PCDHGA4: variants seen among roughly 807,000 people sequenced by gnomAD.
PCDHGA4 encodes the protein protocadherin gamma subfamily A, 4.
PCDHGA4 carries 38 observed loss-of-function variants against 54.6 expected under a neutral mutation model. That is an observed-to-expected ratio of 0.70 (90% CI 0.54 to 0.91). PCDHGA4 has a LOEUF of 0.91. Ranked by LOEUF, PCDHGA4 falls within the 40% of genes least tolerant of loss-of-function variation. The pLI, the probability that PCDHGA4 is intolerant of heterozygous loss-of-function variation, is 0.00. For missense variants in PCDHGA4, 1,298 were observed against 1,220.9 expected (o/e 1.06, Z -0.94); for synonymous variants, 511 against 512.9 (o/e 1.00, Z 0.05).
chr5:141,418,677 T>A (rs1717013168), intron 1 of PCDHGA4: 1 of 1,613,930 alleles, frequency 6.2e-7, no homozygotes, highest in African/African-American at 1.3e-5. Flanking sequence ...GACGAGGGCA[T>A]CAACTCAGAG....
rs1224223477 is a variant in PCDHGA4, at chr5:141,356,416, A to T, written c.1309A>T (p.Thr437Ser). 31 of 1,603,068 alleles carry T rather than the reference A, an allele frequency of 1.9e-5. No homozygotes were observed. Among genetic ancestry groups the T allele is most frequent in the Non-Finnish European group, 2.6e-5 (31 of 1,173,990 alleles). ...CTATGGAAATTATTATCGGTTGTTG[A>T]CACACAGAACACTGGACAGGGAAGA... ...KTYGNYYRLL[T>S]HRTLDREEVS... The change falls in exon 1 of 4, where the codon ACA becomes TCA. Residue 437 changes from threonine to serine, a missense_variant. By Grantham distance (58) the Thr-to-Ser change is moderately conservative. Transcript: ENST00000571252.
chr5:141,412,790 A>G lies in PCDHGA4; in HGVS notation c.2514+55169A>G, dbSNP rs557299291. ...ATTTACAATATTTTCACTCCACTTTATCACACCTCCCCTAAGAAACCTACA... is the reference window on the plus strand; with the variant it reads ...ATTTACAATATTTTCACTCCACTTTGTCACACCTCCCCTAAGAAACCTACA... On this transcript the variant is annotated intron_variant, in intron 1 of 3. Coordinates refer to ENST00000571252, the MANE Select transcript of PCDHGA4 (RefSeq NM_018917.4). Among the ~76,000 whole-genome samples the G allele has an allele frequency of 2.0e-5, 3 of 152,370 alleles. No individual in the cohort carries two copies. The South Asian group carries it at 6.2e-4, about 32-fold the overall frequency.
intron 1 of PCDHGA4, chr5:141,427,811 C>T (rs1335555425): frequency 6.6e-7 from 1 of 1,523,180 alleles, no homozygotes; most frequent in Admixed American, 1.7e-5. Flanking sequence ...GCGCACAGAG[C>T]GGGGTGGTGG....
At chr5:141,403,770 T>A in intron 1 of PCDHGA4, 1 of 1,613,894 alleles carries the variant, frequency 6.2e-7, no homozygotes, top group Non-Finnish European at 8.5e-7. Flanking sequence ...GATGAGGGAA[T>A]CAACGGAAAA....
chr5:141,383,826 T>C, intron 1 of PCDHGA4: 1 of 1,613,966 alleles, frequency 6.2e-7, no homozygotes, highest in Non-Finnish European at 8.5e-7. Flanking sequence ...GATTAGATTA[T>C]GAAGAAACTG....
At position 141,381,826 on chromosome 5, in the gene PCDHGA4, C is replaced by CTTTTTTT. The variant is rs770630741; in HGVS notation, c.2514+24221_2514+24227dup. Among the ~76,000 whole-genome samples the CTTTTTTT allele has an allele frequency of 1.4e-3, 102 of 74,248 alleles. 2 individuals are homozygous for CTTTTTTT. The highest frequency in any genetic ancestry group is 1.7e-3 in the Non-Finnish European group (71 of 42,360). The allele number at this position is 74,248 out of a possible 152,430, so 48.7% of individuals were successfully genotyped here. ...TTTCTTTCTTTCTTTCTTTCTTCTT[C>CTTTTTTT]TTTTTTTTTTTTTTTTTTTTTTGGC... On this transcript the variant is annotated intron_variant, in intron 1 of 3. Transcript: ENST00000571252.
At chr5:141,400,203 G>C in intron 1 of PCDHGA4, 1 of 1,613,996 alleles carries the variant, frequency 6.2e-7, no homozygotes, top group Non-Finnish European at 8.5e-7. Flanking sequence ...TGGTGGCCTT[G>C]GCCTTGATCT....
intron 1 of PCDHGA4, chr5:141,414,994 T>C (rs1390374290): frequency 3.7e-6 from 6 of 1,613,626 alleles, no homozygotes; most frequent in Non-Finnish European, 4.2e-6. Flanking sequence ...CCAGAACGCC[T>C]GGCTGTCCTA....
rs146719320 is a variant in PCDHGA4, at chr5:141,444,557, A to T, written c.2515-50250A>T. ...TGTGTCTAGTGAGCAAAAGGCACTTATTTGACACTTTTGACTCTTCCTTTC... is the reference window on the plus strand; with the variant it reads ...TGTGTCTAGTGAGCAAAAGGCACTTTTTTGACACTTTTGACTCTTCCTTTC... On this transcript the variant is annotated intron_variant, in intron 1 of 3. Transcript: ENST00000571252. Among the ~76,000 whole-genome samples, 1,352 of 152,248 alleles carry T rather than the reference A, an allele frequency of 8.9e-3. 18 individuals carry two copies. The highest frequency in any genetic ancestry group is 0.031 in the African/African-American group (1,277 of 41,558).
chr5:141,395,427 T>A, intron 1 of PCDHGA4: 2 of 722,004 alleles, frequency 2.8e-6, no homozygotes, highest in Non-Finnish European at 4.3e-6. Flanking sequence ...CATTTGCTTT[T>A]AAACGACTTG....
intron 1 of PCDHGA4, chr5:141,361,606 A>G (rs367687761): frequency 1.9e-6 from 3 of 1,613,784 alleles, no homozygotes; most frequent in African/African-American, 2.7e-5. Flanking sequence ...TTCCTACTCC[A>G]TCGTAGCGAG....
At chr5:141,433,398 T>TCTAC (rs1487149690) in intron 1 of PCDHGA4, among the ~76,000 whole-genome samples, 2 of 151,396 alleles carry the variant, frequency 1.3e-5, no homozygotes, top group Non-Finnish European at 2.9e-5. Context: ...TATCTATCTA[T>TCTAC]CTATCTATTA....
At chr5:141,362,202 G>C in intron 1 of PCDHGA4, 2 of 1,614,078 alleles carry the variant, frequency 1.2e-6, no homozygotes, top group African/African-American at 2.7e-5. Context: ...CAAAACTGCA[G>C]TTTTACCTGG....
chr5:141,399,797 G>T, intron 1 of PCDHGA4: 2 of 1,613,192 alleles, frequency 1.2e-6, no homozygotes, highest in Non-Finnish European at 8.5e-7. Context: ...AACGCACCGC[G>T]GGTGCTGTAC....
At chr5:141,427,776 G>T (rs3828681) in intron 1 of PCDHGA4, 8 of 1,424,704 alleles carry the variant, frequency 5.6e-6, no homozygotes, top group Non-Finnish European at 9.8e-7. Context: ...GGAGCTGCGG[G>T]CACTGTCGTC....
chr5:141,368,384 C>A (rs1263453291), intron 1 of PCDHGA4, among the ~76,000 whole-genome samples: 1 of 151,986 alleles, frequency 6.6e-6, no homozygotes, highest in Non-Finnish European at 1.5e-5. Context: ...TACACACATA[C>A]ACACACACAA....
rs200072718 is a variant in PCDHGA4 at position 141,389,516 on chromosome 5, G to C, written c.2514+31895G>C. 4,499 of 1,613,168 alleles carry C rather than the reference G, an allele frequency of 2.8e-3. 16 individuals are homozygous for C. Among genetic ancestry groups the C allele is most frequent in the Non-Finnish European group, 3.4e-3 (4,037 of 1,179,766 alleles). The stretch of plus-strand genomic sequence containing the variant: ...GCTCGCCAGCGCTCAGCGCGAACGT[G>C]AGCCTGCGCGTGTTAGTGGACGACC... On this transcript the variant is annotated intron_variant, in intron 1 of 3. Coordinates refer to ENST00000571252, the MANE Select transcript of PCDHGA4 (RefSeq NM_018917.4).
At chr5:141,365,312 G>C in intron 1 of PCDHGA4, 1 of 1,614,006 alleles carries the variant, frequency 6.2e-7, no homozygotes, top group Non-Finnish European at 8.5e-7. Context: ...AGGCGCTCTT[G>C]TTGCCAGCGC....
At chr5:141,467,728 C>A (rs2099150053) in intron 1 of PCDHGA4, among the ~76,000 whole-genome samples, 1 of 152,058 alleles carries the variant, frequency 6.6e-6, no homozygotes, top group Admixed American at 6.5e-5. Context: ...GTGGCACAAT[C>A]CCAGCTCGCT....
Sources: gnomAD v4.1 joint callset for allele counts (sites outside exome capture counted in the v4.1 genomes callset) on GRCh38, gnomAD v4.1.1 for gene constraint, MANE v1.5 for transcripts, NCBI Gene and HGNC (gene_info 2026-07-23, HGNC 2026-07-21) for gene names.